Variants in ADK observed in about 807,000 individuals in gnomAD.
The protein encoded by ADK is adenosine kinase.
ADK carries 24 observed loss-of-function variants against 44.7 expected under a neutral mutation model. The observed-to-expected ratio is 0.54, with a 90% CI of 0.39 to 0.76. The LOEUF (loss-of-function observed/expected upper bound fraction) is 0.76, where lower values mean the gene tolerates loss of function less well. Ranked by LOEUF, ADK falls within the 30% of genes least tolerant of loss-of-function variation. The pLI is 0.00. For missense variants in ADK, 321 were observed against 425.1 expected, an observed-to-expected ratio of 0.76 and a Z score of 2.15; for synonymous variants, 128 against 142.6, an observed-to-expected ratio of 0.90 and a Z score of 0.73.
intron 7 of ADK, among the ~76,000 whole-genome samples, chr10:74,562,113 T>G (rs1850484882): frequency 6.6e-6 from 1 of 152,012 alleles, no homozygotes. Context: ...CTTGATAGAG[T>G]GGTGAGCATG....
intron 6 of ADK, among the ~76,000 whole-genome samples, chr10:74,496,423 A>T (rs757704229): frequency 2.0e-5 from 3 of 152,218 alleles, no homozygotes; most frequent in Non-Finnish European, 4.4e-5. Flanking sequence ...AGATGGTTTA[A>T]TAAGCATCTG....
intron 6 of ADK, among the ~76,000 whole-genome samples, chr10:74,475,911 G>A (rs1564743498): frequency 6.6e-6 from 1 of 152,124 alleles, no homozygotes; most frequent in African/African-American, 2.4e-5. Context: ...GGCAGTAATT[G>A]CTTCTAGGTT....
intron 9 of ADK, among the ~76,000 whole-genome samples, chr10:74,609,357 C>T (rs1053573757): frequency 2.0e-5 from 3 of 152,138 alleles, no homozygotes; most frequent in African/African-American, 7.2e-5. Flanking sequence ...AAACCCAGGG[C>T]CCTGGTGGTG....
chr10:74,309,580 T>C (rs944156861), intron 3 of ADK, among the ~76,000 whole-genome samples: 3 of 152,118 alleles, frequency 2.0e-5, no homozygotes, highest in African/African-American at 7.2e-5. Context: ...AACATCATAT[T>C]CCAATATTGA....
intron 4 of ADK, among the ~76,000 whole-genome samples, chr10:74,354,131 A>T (rs558159400): frequency 3.3e-5 from 5 of 152,230 alleles, no homozygotes; most frequent in African/African-American, 4.8e-5. Context: ...CTCTCTACTG[A>T]TTACTACTGT....
chr10:74,308,052 A>G (rs144443179), intron 3 of ADK, among the ~76,000 whole-genome samples: 125 of 152,338 alleles, frequency 8.2e-4, no homozygotes, highest in African/African-American at 2.8e-3. Context: ...TGTTCTTACA[A>G]TGGGTAGAAA....
chr10:74,268,715 T>C (rs1481887339), intron 3 of ADK, among the ~76,000 whole-genome samples: 2 of 152,248 alleles, frequency 1.3e-5, no homozygotes, highest in African/African-American at 2.4e-5. Flanking sequence ...AATTTTCAGA[T>C]TATCAGTTTG....
At chr10:74,382,551 G>A (rs1843005713) in intron 4 of ADK, among the ~76,000 whole-genome samples, 1 of 152,150 alleles carries the variant, frequency 6.6e-6, no homozygotes, top group Non-Finnish European at 1.5e-5. Flanking sequence ...ACCAGGTGCT[G>A]TGTTATTTTT....
intron 2 of ADK, among the ~76,000 whole-genome samples, chr10:74,223,628 C>T (rs917003163): frequency 6.6e-6 from 1 of 151,704 alleles, no homozygotes; most frequent in African/African-American, 2.4e-5. Flanking sequence ...TTTCTGTGTA[C>T]CCTTCAGAAA....
chr10:74,250,272 T>C (rs1351994534), intron 3 of ADK, among the ~76,000 whole-genome samples: 1 of 152,204 alleles, frequency 6.6e-6, no homozygotes, highest in Non-Finnish European at 1.5e-5. Flanking sequence ...GAAGCTATCA[T>C]AGAGAACTAA....
rs562333770 is a variant in ADK, at chr10:74,615,961, G to A, written c.877+15468G>A. 1.6e-4 allele frequency among the ~76,000 whole-genome samples: 25 copies of A among 152,104 alleles called. No homozygotes were observed. In the South Asian group the frequency reaches 5.0e-3, roughly 30 times the overall value. ...TGACCTCAAGTGATCCACCTGCCTC[G>A]GCCTCCCAAAGTGCTGGGGTTACAG... On this transcript the variant is annotated intron_variant, in intron 9 of 10. Transcript: ENST00000539909.
intron 10 of ADK, among the ~76,000 whole-genome samples, chr10:74,696,558 G>C (rs1856214982): frequency 6.6e-6 from 1 of 150,510 alleles, no homozygotes; most frequent in South Asian, 2.1e-4. Flanking sequence ...TTTTAGTAGA[G>C]ACAGGTTTTC....
At chr10:74,476,252 G>C (rs955709522) in intron 6 of ADK, among the ~76,000 whole-genome samples, 1 of 152,112 alleles carries the variant, frequency 6.6e-6, no homozygotes, top group Non-Finnish European at 1.5e-5. Flanking sequence ...TCAGCACTTT[G>C]GGAGGCTGAG....
chr10:74,307,874 G>T (rs900237962), intron 3 of ADK, among the ~76,000 whole-genome samples: 3 of 152,152 alleles, frequency 2.0e-5, no homozygotes, highest in Non-Finnish European at 2.9e-5. Context: ...GGACTTGGGG[G>T]TGATGCTCTA....
chr10:74,432,233 T>G (rs1437869944), intron 6 of ADK, among the ~76,000 whole-genome samples: 1 of 152,182 alleles, frequency 6.6e-6, no homozygotes, highest in African/African-American at 2.4e-5. Flanking sequence ...TTGTTTCTCT[T>G]TCATAATGCA....
At chr10:74,505,861 T>C (rs932239148) in intron 6 of ADK, among the ~76,000 whole-genome samples, 14 of 152,194 alleles carry the variant, frequency 9.2e-5, no homozygotes, top group Non-Finnish European at 2.1e-4. Context: ...AGTAGACCAC[T>C]TTGACACCTT....
At chr10:74,220,839 T>C (rs1006699215) in intron 2 of ADK, among the ~76,000 whole-genome samples, 2 of 152,162 alleles carry the variant, frequency 1.3e-5, no homozygotes, top group African/African-American at 2.4e-5. Flanking sequence ...CTAAAAATTC[T>C]CAATAAATTA....
At chr10:74,170,526 C>T (rs910932455) in intron 1 of ADK, among the ~76,000 whole-genome samples, 4 of 151,992 alleles carry the variant, frequency 2.6e-5, no homozygotes, top group Non-Finnish European at 4.4e-5. Context: ...AGGCCGGGCA[C>T]GGTGGCTCAC....
At chr10:74,289,428 C>T (rs929881268) in intron 3 of ADK, among the ~76,000 whole-genome samples, 1 of 152,084 alleles carries the variant, frequency 6.6e-6, no homozygotes, top group African/African-American at 2.4e-5. Context: ...AACATTTCAC[C>T]TCTCAAAACT....
Sources: allele counts gnomAD v4.1 joint callset (sites outside exome capture counted in the v4.1 genomes callset), GRCh38; gene constraint gnomAD v4.1.1; transcripts MANE v1.5; gene names NCBI Gene and HGNC (gene_info 2026-07-23, HGNC 2026-07-21).